The following NDUFA12 variants were observed in gnomAD, a reference collection of about 807,000 sequenced individuals.
NDUFA12 encodes the protein NADH:ubiquinone oxidoreductase subunit A12.
Under a neutral mutation model 20.3 loss-of-function variants are expected in NDUFA12, and 17 were observed. The observed-to-expected ratio is 0.84, with a 90% CI of 0.57 to 1.26. NDUFA12 has a LOEUF of 1.26. Ranked by LOEUF, NDUFA12 falls within the 50% of genes most tolerant of loss-of-function variation. NDUFA12 has a pLI of 0.00. For missense variants in NDUFA12, 191 were observed against 183.7 expected, an observed-to-expected ratio of 1.04 and a Z score of -0.23; for synonymous variants, 72 against 63.6, an observed-to-expected ratio of 1.13 and a Z score of -0.63.
chr12:94,989,876 A>G (rs1285504413), intron 3 of NDUFA12, among the ~76,000 whole-genome samples: 1 of 152,214 alleles, frequency 6.6e-6, no homozygotes, highest in African/African-American at 2.4e-5. Flanking sequence ...CTGAGCACCA[A>G]TGTTAGATGA....
Position 94,981,295 on chromosome 12 carries a change from A to T in NDUFA12, c.258-9675T>A, listed in dbSNP as rs112474823. Among the ~76,000 whole-genome samples, 5 of 69,754 alleles carry T rather than the reference A, an allele frequency of 7.2e-5. No individual in the cohort carries two copies. The South Asian group carries it at 2.5e-3, about 34-fold the overall frequency. The allele number at this position is 69,754 out of a possible 152,430, so 45.8% of individuals were successfully genotyped here. ...ATACATACATACATACATACATACAAACAGTAGCCGGGCATGGTGGCCCGT... is the reference window on the plus strand; with the variant it reads ...ATACATACATACATACATACATACATACAGTAGCCGGGCATGGTGGCCCGT... On this transcript the variant is annotated intron_variant, in intron 3 of 3. Transcript: ENST00000327772.
chr12:94,984,165 A>G (rs1020329258), intron 3 of NDUFA12, among the ~76,000 whole-genome samples: 1 of 152,194 alleles, frequency 6.6e-6, no homozygotes, highest in Non-Finnish European at 1.5e-5. Flanking sequence ...ACTGGAGTGT[A>G]AACTGTAGTG....
At chr12:94,997,623 G>A (rs1197924970) in intron 2 of NDUFA12, among the ~76,000 whole-genome samples, 1 of 152,020 alleles carries the variant, frequency 6.6e-6, no homozygotes, top group Non-Finnish European at 1.5e-5. Flanking sequence ...AATTCCAAAA[G>A]CTCCAAAATT....
At chr12:95,003,398 CTACAGA>C (rs1875134302) in intron 1 of NDUFA12, among the ~76,000 whole-genome samples, 191 bp downstream of exon 1, 1 of 152,204 alleles carries the variant, frequency 6.6e-6, no homozygotes, top group East Asian at 1.9e-4. Flanking sequence ...AGCTCTGACT[CTACAGA>C]TAGCTTCGGT....
intron 3 of NDUFA12, among the ~76,000 whole-genome samples, chr12:94,992,162 T>C (rs765714811): frequency 3.3e-5 from 5 of 152,258 alleles, no homozygotes; most frequent in Non-Finnish European, 7.3e-5. Flanking sequence ...ATATCAACTG[T>C]ATGGTATTAT....
intron 2 of NDUFA12, among the ~76,000 whole-genome samples, chr12:94,994,967 G>C (rs1874770528): frequency 6.6e-6 from 1 of 152,122 alleles, no homozygotes; most frequent in East Asian, 1.9e-4. Flanking sequence ...AAAAGTGGAT[G>C]ACTATACCTA....
intron 3 of NDUFA12, among the ~76,000 whole-genome samples, chr12:94,988,281 T>C (rs1874519649): frequency 6.6e-6 from 1 of 152,234 alleles, no homozygotes; most frequent in African/African-American, 2.4e-5. Flanking sequence ...TCTTTGTTAC[T>C]TTCCTGATAT....
At chr12:94,982,298 CAG>C (rs1874270081) in intron 3 of NDUFA12, among the ~76,000 whole-genome samples, 1 of 143,360 alleles carries the variant, frequency 7.0e-6, no homozygotes, top group African/African-American at 2.6e-5. Context: ...TTTTTTGAGA[CAG>C]AGTCTCTCTG....
Position 94,971,355 on chromosome 12 carries a change from T to G in NDUFA12, c.*85A>C. On this transcript the variant is annotated 3_prime_UTR_variant, in exon 4 of 4. Transcript: ENST00000327772. ...TTGTTTAGTCACACAATTTTAATTG[T>G]GAATTATAGTGAATGGTAAACAGTA... 1 of 1,443,698 alleles carries G rather than the reference T, an allele frequency of 6.9e-7. No homozygotes were observed. The highest frequency in any genetic ancestry group is 9.7e-7 in the Non-Finnish European group (1 of 1,028,162). The allele number at this position is 1,443,698 out of a possible 1,614,324, so 89.4% of individuals were successfully genotyped here.
At chr12:94,980,307 TCTTCTCATCTCAGTG>T (rs1874194921) in intron 3 of NDUFA12, among the ~76,000 whole-genome samples, 2 of 152,114 alleles carry the variant, frequency 1.3e-5, no homozygotes, top group African/African-American at 4.8e-5. Flanking sequence ...CTTCTACAAG[TCTTCTCATCTCAGTG>T]AATGGTCCCA....
At chr12:94,982,703 C>G (rs1304094218) in intron 3 of NDUFA12, among the ~76,000 whole-genome samples, 1 of 152,124 alleles carries the variant, frequency 6.6e-6, no homozygotes, top group Non-Finnish European at 1.5e-5. Flanking sequence ...CTAGTAACTC[C>G]AAAGGCATAG....
chr12:94,985,544 G>A lies in NDUFA12; in HGVS notation c.257+8626C>T, dbSNP rs559065498. ...CAGGAGGCTGAGGCAGGAGAATGAC[G>A]TGAACCTGGGAGGTGGAGCTTGCAG... On this transcript the variant is annotated intron_variant, in intron 3 of 3. Transcript: ENST00000327772. 1.5e-3 allele frequency among the ~76,000 whole-genome samples: 217 copies of A among 143,946 alleles called. 1 individual carries two copies. Among genetic ancestry groups the A allele is most frequent in the Non-Finnish European group, 2.3e-3 (155 of 66,056 alleles). 94.4% of individuals were successfully genotyped at this position (143,946 alleles called of 152,430 possible). A position where few individuals can be genotyped will look rare whatever the true frequency, so the allele number is the denominator to read the frequency against.
At chr12:95,002,529 C>A (rs188733609) in intron 2 of NDUFA12, among the ~76,000 whole-genome samples, 35 of 148,640 alleles carry the variant, frequency 2.4e-4, no homozygotes, top group Non-Finnish European at 4.9e-4. Flanking sequence ...AGTTGCATTT[C>A]TGTTGTTACA....
intron 3 of NDUFA12, among the ~76,000 whole-genome samples, chr12:94,975,263 A>G (rs1165103871): frequency 6.6e-6 from 1 of 152,220 alleles, no homozygotes; most frequent in Admixed American, 6.5e-5. Context: ...AAAAAGGTTC[A>G]TCTATCATTA....
chr12:94,973,428 C>G (rs1873955501), intron 3 of NDUFA12, among the ~76,000 whole-genome samples: 1 of 152,156 alleles, frequency 6.6e-6, no homozygotes, highest in South Asian at 2.1e-4. Context: ...AGTGGTGAGC[C>G]AGGCTCCACT....
At chr12:94,992,606 G>A (rs1159108692) in intron 3 of NDUFA12, among the ~76,000 whole-genome samples, 1 of 152,158 alleles carries the variant, frequency 6.6e-6, no homozygotes, top group Non-Finnish European at 1.5e-5. Context: ...AGTGACACTG[G>A]ACAATTTGCA....
intron 3 of NDUFA12, among the ~76,000 whole-genome samples, chr12:94,991,354 G>A (rs1379589281): frequency 1.3e-5 from 2 of 152,018 alleles, no homozygotes; most frequent in African/African-American, 2.4e-5. Context: ...GGCAGATAAA[G>A]AACACTTCCG....
intron 3 of NDUFA12, among the ~76,000 whole-genome samples, chr12:94,993,412 G>A (rs1196160506): frequency 6.6e-6 from 1 of 150,400 alleles, no homozygotes; most frequent in Admixed American, 6.7e-5. Context: ...ATCACCTGAG[G>A]TCAGGAGTTC....
intron 3 of NDUFA12, among the ~76,000 whole-genome samples, chr12:94,983,195 A>AGGAGTT (rs1399955525): frequency 6.6e-6 from 1 of 152,150 alleles, no homozygotes; most frequent in East Asian, 1.9e-4. Context: ...CCAATCAATC[A>AGGAGTT]GCAACTCCTG....
Sources: allele counts gnomAD v4.1 joint callset (sites outside exome capture counted in the v4.1 genomes callset), GRCh38; gene constraint gnomAD v4.1.1; transcripts MANE v1.5; gene names NCBI Gene and HGNC (gene_info 2026-07-23, HGNC 2026-07-21).